LMNTD2: variants seen among roughly 807,000 people sequenced by gnomAD.
LMNTD2 encodes the protein lamin tail domain-containing protein 2.
A neutral mutation model predicts 70.1 loss-of-function variants in LMNTD2; 83 were observed. That is an observed-to-expected ratio of 1.18 (90% confidence interval 0.99 to 1.42). LMNTD2 has a LOEUF of 1.42. LMNTD2 is among the 40% of genes most tolerant of loss of function. The pLI is 0.00. For synonymous variants in LMNTD2, 534 were observed against 406.1 expected (o/e 1.31, Z -3.79); for missense variants, 1,153 against 905.9 (o/e 1.27, Z -3.50).
Position 556,279 on chromosome 11 carries a change from C to T in LMNTD2, c.1170G>A (p.Met390Ile), listed in dbSNP as rs1852863897. Residue 390 changes from methionine to isoleucine, a missense_variant, in exon 10 of 14, where the codon ATG (methionine) becomes ATA (isoleucine). Met to Ile is a conservative substitution (Grantham distance 10). Transcript: ENST00000329451. ...SQESTADLSG[M>I]VLKQLVRGFP... ...AGCCGCGCACCAGCTGCTTCAGCAC[C>T]ATGCCGCTCAGGTCGGCCGTGCTCT... 2 of 1,535,212 alleles carry T rather than the reference C, an allele frequency of 1.3e-6. No homozygotes were observed. The highest frequency in any genetic ancestry group is 1.4e-5 in the African/African-American group (1 of 73,022).
chr11:558,752 G>A lies in LMNTD2; in HGVS notation c.173C>T (p.Ser58Phe), dbSNP rs930164462. Residue 58 changes from serine (S) to phenylalanine (F), a missense_variant, in exon 3 of 14, where the codon TCC (serine) becomes TTC (phenylalanine). Transcript: ENST00000329451. ...CAGCCGCAGTGTGCGAGGGTCCAGG[G>A]ACTCAAGAGCCAACCTGCAGCGGCA... ...CSADPQLALE[S>F]LDPRTLRLLW... 1.9e-6 allele frequency: 3 copies of A among 1,607,282 alleles called. No homozygotes were observed. Among genetic ancestry groups the A allele is most frequent in the Non-Finnish European group, 2.5e-6 (3 of 1,176,566 alleles).
At chr11:557,132 C>A in intron 7 of LMNTD2, 35 bp from the exon 8 acceptor site, 1 of 1,546,130 alleles carries the variant, frequency 6.5e-7, no homozygotes, top group Non-Finnish European at 8.7e-7. Context: ...GCCACTCCAG[C>A]TCCAGACCCC....
intron 3 of LMNTD2, 47 bp downstream of exon 3, chr11:558,567 G>A (rs1215508722): frequency 6.4e-7 from 1 of 1,560,256 alleles, no homozygotes. Flanking sequence ...AGGAGTCCGG[G>A]CGAGGACAGG....
chr11:558,018 GCTC>G lies in LMNTD2; in HGVS notation c.418_420del (p.Glu140del). 1 of 1,579,852 alleles carries G rather than the reference GCTC, an allele frequency of 6.3e-7. No homozygotes were observed. Among genetic ancestry groups the G allele is most frequent in the South Asian group, 1.2e-5 (1 of 86,524 alleles). ...AGCGTGCGGGTGGTCTGCAGCAGCCGCTCCTCCAGGTGCTCCTTCTCCTGCTCC... is the reference window on the plus strand; with the variant it reads ...AGCGTGCGGGTGGTCTGCAGCAGCCGCTCCAGGTGCTCCTTCTCCTGCTCC... On this transcript the variant is annotated inframe_deletion, in exon 5 of 14. Transcript: ENST00000329451.
intron 1 of LMNTD2, chr11:560,417 C>G (rs1451022878): frequency 1.6e-6 from 2 of 1,233,794 alleles, no homozygotes; most frequent in Non-Finnish European, 1.0e-6. Context: ...CGCACCAGGA[C>G]TCTGCGCCCG....
chr11:555,290 C>A lies in LMNTD2; in HGVS notation c.1773+15G>T. Reference sequence around the variant, plus strand: ...GGAGGGAGAGGAGGGGGCGCACCCGCAAGCGCGCACTCACCCGAACTCGGT... The same window carrying A: ...GGAGGGAGAGGAGGGGGCGCACCCGAAAGCGCGCACTCACCCGAACTCGGT... On this transcript the variant is annotated intron_variant, in intron 13 of 13. Coordinates refer to ENST00000329451, the MANE Select transcript of LMNTD2 (RefSeq NM_173573.3). 2 of 1,388,438 alleles carry A rather than the reference C, an allele frequency of 1.4e-6. No individual in the cohort carries two copies. Among genetic ancestry groups the A allele is most frequent in the Non-Finnish European group, 1.9e-6 (2 of 1,072,980 alleles). The allele number at this position is 1,388,438 out of a possible 1,614,324, so 86.0% of individuals were successfully genotyped here.
Position 555,388 on chromosome 11 carries a change from C to G in LMNTD2, c.1690G>C (p.Gly564Arg). The change falls in exon 13 of 14, where the codon GGT becomes CGT. Residue 564 changes from glycine (G) to arginine (R), a missense_variant. Gly to Arg is a moderately radical substitution (Grantham distance 125). Transcript: ENST00000329451. The part of the protein sequence containing the change: ...PAPQHLPAIP[G>R]DPTLPSPPAE... ...GGAGGCGACGGCAGGGTGGGGTCAC[C>G]CGGGATGGCGGGCAGGTGCTGCGGC... The G allele has an allele frequency of 1.4e-6, 2 of 1,405,756 alleles. No homozygotes were observed. Among genetic ancestry groups the G allele is most frequent in the Non-Finnish European group, 1.8e-6 (2 of 1,083,564 alleles). 87.1% of individuals were successfully genotyped at this position (1,405,756 alleles called of 1,614,324 possible).
chr11:557,244 A>G (rs1261575179), intron 7 of LMNTD2, 147 bp from the exon 8 acceptor site: 5 of 1,373,200 alleles, frequency 3.6e-6, no homozygotes, highest in Non-Finnish European at 4.9e-6. Flanking sequence ...TGGCTGCCTC[A>G]ACCCCAACGC....
At chr11:558,471 CTT>C (rs1853048972) in intron 3 of LMNTD2, 141 bp downstream of exon 3, 2 of 1,188,890 alleles carry the variant, frequency 1.7e-6, no homozygotes, top group Admixed American at 5.2e-5. Context: ...AGCGTGTTAA[CTT>C]AGGATCAGGG....
intron 1 of LMNTD2, 53 bp from the exon 2 acceptor site, chr11:559,032 C>T (rs758729369): frequency 3.8e-6 from 6 of 1,580,998 alleles, no homozygotes; most frequent in Non-Finnish European, 5.1e-6. Context: ...CCTGGCCAGA[C>T]TTGGGGGCCA....
intron 5 of LMNTD2, 60 bp from the exon 6 acceptor site, chr11:557,700 C>G (rs913978541): frequency 6.2e-7 from 1 of 1,610,876 alleles, no homozygotes; most frequent in Non-Finnish European, 8.5e-7. Context: ...CAGCACCTCT[C>G]CTCTTTGACC....
intron 12 of LMNTD2, 46 bp downstream of exon 12, chr11:555,688 G>C: frequency 2.9e-6 from 4 of 1,363,176 alleles, no homozygotes; most frequent in Non-Finnish European, 3.8e-6. Context: ...CTGCTGGGTC[G>C]GGGCCTGGGG....
In LMNTD2 at chr11:556,315, G is replaced by A. The variant is rs759302829; in HGVS notation, c.1134C>T (p.Asn378=). The change falls in exon 10 of 14, where the codon AAC becomes AAT. Residue 378 remains asparagine, a synonymous_variant. Coordinates refer to ENST00000329451, the MANE Select transcript of LMNTD2 (RefSeq NM_173573.3). The part of the protein sequence containing the change: ...SCREKFVRIF[N]PSQESTADLS... ...GGTCGGCCGTGCTCTCCTGCGACGG[G>A]TTGAAGATGCGGACGAACTTCTCCC... 56 of 1,535,650 alleles carry A rather than the reference G, an allele frequency of 3.6e-5. No individual in the cohort carries two copies. Among genetic ancestry groups the A allele is most frequent in the Non-Finnish European group, 4.9e-5 (56 of 1,146,694 alleles).
chr11:560,472 T>TGCGACCCC, intron 1 of LMNTD2: 2 of 1,256,298 alleles, frequency 1.6e-6, no homozygotes, highest in Non-Finnish European at 2.0e-6. Context: ...CTGGTGACCC[T>TGCGACCCC]GCGACCCCGC....
intron 11 of LMNTD2, 24 bp downstream of exon 11, chr11:555,972 G>A (rs1389828780): frequency 1.3e-6 from 2 of 1,547,310 alleles, no homozygotes; most frequent in African/African-American, 1.4e-5. Flanking sequence ...AGCCCCGGCC[G>A]CCCCACCGGG....
chr11:555,771 G>A lies in LMNTD2; in HGVS notation c.1537C>T (p.Arg513Trp), dbSNP rs776153917. The A allele has an allele frequency of 3.4e-6, 5 of 1,467,862 alleles. No homozygotes were observed. The South Asian group carries it at 5.5e-5, about 16-fold the overall frequency. The allele number at this position is 1,467,862 out of a possible 1,614,324, so 90.9% of individuals were successfully genotyped here. A position where few individuals can be genotyped will look rare whatever the true frequency, so the allele number is the denominator to read the frequency against. The change falls in exon 12 of 14, where the codon CGG (arginine) becomes TGG (tryptophan). Residue 513 changes from arginine to tryptophan, a missense_variant. Coordinates refer to ENST00000329451, the MANE Select transcript of LMNTD2 (RefSeq NM_173573.3). The stretch of plus-strand genomic sequence containing the variant: ...CGACTGACCCGGGGCTCCCGCACCC[G>A]GCCTTTGCGCAGGGGTCGAGGTGGG... ...PRPPRPLRKGRVREPRVSRRR... is the reference protein window; with the variant it reads ...PRPPRPLRKGWVREPRVSRRR...
Position 556,197 on chromosome 11 carries a change from CG to C in LMNTD2, c.1251del (p.His417GlnfsTer38). 1 of 1,420,208 alleles carries C rather than the reference CG, an allele frequency of 7.0e-7. No individual in the cohort carries two copies. Among genetic ancestry groups the C allele is most frequent in the Non-Finnish European group, 9.1e-7 (1 of 1,093,758 alleles). The allele number at this position is 1,420,208 out of a possible 1,614,324, so 88.0% of individuals were successfully genotyped here. On this transcript the variant is annotated frameshift_variant, in exon 10 of 14. Coordinates refer to ENST00000329451, the MANE Select transcript of LMNTD2 (RefSeq NM_173573.3). LOFTEE classifies it high-confidence loss of function. The stretch of plus-strand genomic sequence containing the variant: ...GCTCCCGGGCCGGGGCGCACCGTGA[CG>C]TGGTGCCGCGGGGCCAGCAGCGTGC... Reference protein sequence around the residue: ...PPGTLLAPRHHVTVWGEATRS... With the variant: ...PPGTLLAPRHXVTVWGEATRS...
chr11:556,638 C>T lies in LMNTD2; in HGVS notation c.977-50G>A, dbSNP rs767681401. 4.4e-4 allele frequency: 642 copies of T among 1,445,458 alleles called. 5 individuals are homozygous for T. Among genetic ancestry groups the T allele is most frequent in the Middle Eastern group, 8.9e-4 (5 of 5,604 alleles). 89.5% of individuals were successfully genotyped at this position (1,445,458 alleles called of 1,614,324 possible). A position where few individuals can be genotyped will look rare whatever the true frequency, so the allele number is the denominator to read the frequency against. On this transcript the variant is annotated intron_variant, in intron 8 of 13. Coordinates refer to ENST00000329451, the MANE Select transcript of LMNTD2 (RefSeq NM_173573.3). The stretch of plus-strand genomic sequence containing the variant: ...AGGGGACCCTCGAATGGAGTCCCCA[C>T]CGGATGTTCCCCGTGAGGTCAGAAC...
At position 557,488 on chromosome 11, in the gene LMNTD2, C is replaced by G. The variant is rs757871273; in HGVS notation, c.625-1G>C. ...AATCCACGTCCTCCAGCCGAAAGCC[C>G]TGGCCAGGAAGCAAGAGGCACATGG... On this transcript the variant is annotated splice_acceptor_variant, in intron 6 of 13. Transcript: ENST00000329451. LOFTEE classifies it high-confidence loss of function. 6.2e-7 allele frequency: 1 copy of G among 1,612,720 alleles called. No individual in the cohort carries two copies. The highest frequency in any genetic ancestry group is 1.3e-5 in the African/African-American group (1 of 74,912).
Sources: gnomAD v4.1 joint callset for allele counts on GRCh38, gnomAD v4.1.1 for gene constraint, MANE v1.5 for transcripts, NCBI Gene and HGNC (gene_info 2026-07-23, HGNC 2026-07-21) for gene names.